The following CMTM5 variants were observed in gnomAD, a reference collection of about 807,000 sequenced individuals.
The protein encoded by CMTM5 is CKLF-like MARVEL transmembrane domain-containing protein 5.
Under a neutral mutation model 26.9 loss-of-function variants are expected in CMTM5, and 25 were observed. That is an observed-to-expected ratio of 0.93 (90% CI 0.68 to 1.30). The LOEUF (loss-of-function observed/expected upper bound fraction) is 1.30, where lower values mean the gene tolerates loss of function less well. Among genes scored for constraint, CMTM5 ranks in the 50% most tolerant of loss-of-function variants. The pLI is 0.00. For missense variants in CMTM5, 292 were observed against 289.6 expected (o/e 1.01, Z -0.06); for synonymous variants, 98 against 115.5 (o/e 0.85, Z 0.97).
In CMTM5 at chr14:23,378,420, GTTC is replaced by G. The variant is rs750154643; in HGVS notation, c.202_204del (p.Phe68del). ...CCTACATGGCCGCGGCGCTACTGGAGTTCTTCATCACACTTGCCTTCCTCTTCC... is the reference window on the plus strand; with the variant it reads ...CCTACATGGCCGCGGCGCTACTGGAGTTCATCACACTTGCCTTCCTCTTCC... On this transcript the variant is annotated inframe_deletion, in exon 2 of 6. Transcript: ENST00000339180. The surrounding 1 kb of genome is among the most constrained non-coding windows in gnomAD (Gnocchi z 4.2). The G allele has an allele frequency of 3.7e-6, 6 of 1,614,136 alleles. No individual in the cohort carries two copies. Among genetic ancestry groups the G allele is most frequent in the Non-Finnish European group, 4.2e-6 (5 of 1,180,018 alleles).
At chr14:23,379,175 C>T in intron 4 of CMTM5, 52 bp downstream of exon 4, 1 of 1,602,302 alleles carries the variant, frequency 6.2e-7, no homozygotes, top group African/African-American at 1.3e-5. Flanking sequence ...CAGGCTGGTG[C>T]TTGCACACTT....
chr14:23,379,449 T>C, intron 5 of CMTM5, 25 bp from the exon 6 acceptor site: 1 of 1,613,996 alleles, frequency 6.2e-7, no homozygotes, highest in Non-Finnish European at 8.5e-7. Flanking sequence ...CTGATGTGGG[T>C]CCCTACCTGG....
intron 4 of CMTM5, 30 bp downstream of exon 4, chr14:23,379,153 C>T (rs1024834345): frequency 1.2e-6 from 2 of 1,608,252 alleles, no homozygotes; most frequent in Non-Finnish European, 1.7e-6. Flanking sequence ...ACTCCTTAGC[C>T]CCTCAAGAGC....
chr14:23,378,010 G>A lies in CMTM5; in HGVS notation c.127-339G>A, dbSNP rs1384734275. 1.4e-5 allele frequency: 4 copies of A among 287,768 alleles called. No homozygotes were observed. Among genetic ancestry groups the A allele is most frequent in the Non-Finnish European group, 2.6e-5 (4 of 155,002 alleles). The allele number at this position is 287,768 out of a possible 1,614,324, so 17.8% of individuals were successfully genotyped here. ...AGGCAGGGGGCTCCTCTTGGTCCCT[G>A]TGGAGTCGGGTCTCTGTGGGCACAA... On this transcript the variant is annotated intron_variant, in intron 1 of 5. Coordinates refer to ENST00000339180, the MANE Select transcript of CMTM5 (RefSeq NM_001288746.2). The surrounding 1 kb of genome is among the most constrained non-coding windows in gnomAD (Gnocchi z 4.2).
Position 23,378,389 on chromosome 14 carries a change from T to A in CMTM5, c.167T>A (p.Ile56Asn), listed in dbSNP as rs764296103. 6.2e-7 allele frequency: 1 copy of A among 1,614,034 alleles called. No homozygotes were observed. Among genetic ancestry groups the A allele is most frequent in the Non-Finnish European group, 8.5e-7 (1 of 1,179,984 alleles). Residue 56 changes from isoleucine to asparagine, a missense_variant, in exon 2 of 6, where the codon ATC (isoleucine) becomes AAC (asparagine). Coordinates refer to ENST00000339180, the MANE Select transcript of CMTM5 (RefSeq NM_001288746.2). This position sits in a 1 kb window ranked among gnomAD's most constrained non-coding sequence, Gnocchi z 4.2. Reference protein sequence around the residue: ...LIIFICFTASISAYMAAALLE... With the variant: ...LIIFICFTASNSAYMAAALLE... ...ATCTTCATCTGCTTCACGGCCTCCA[T>A]CTCTGCCTACATGGCCGCGGCGCTA... is the stretch of plus-strand genomic sequence containing the variant.
At position 23,379,656 on chromosome 14, in the gene CMTM5, A is replaced by G. The variant is rs1202379693; in HGVS notation, c.*169A>G. The G allele has an allele frequency of 1.6e-6, 2 of 1,229,408 alleles. No individual in the cohort carries two copies. Among genetic ancestry groups the G allele is most frequent in the Non-Finnish European group, 2.1e-6 (2 of 956,992 alleles). 76.2% of individuals were successfully genotyped at this position (1,229,408 alleles called of 1,614,324 possible). A position where few individuals can be genotyped will look rare whatever the true frequency, so the allele number is the denominator to read the frequency against. ...ACTTATCTGTGGAGCCTGGTGCTCC[A>G]GGATGTGGCTTCTCATGAAGCTCTG... is the stretch of plus-strand genomic sequence containing the variant. On this transcript the variant is annotated 3_prime_UTR_variant, in exon 6 of 6. Coordinates refer to ENST00000339180, the MANE Select transcript of CMTM5 (RefSeq NM_001288746.2).
Position 23,379,098 on chromosome 14 carries a change from G to A in CMTM5, c.548G>A (p.Arg183Gln), listed in dbSNP as rs763315901. Residue 183 changes from arginine to glutamine, a missense_variant, in exon 4 of 6, where the codon CGG becomes CAG. Physicochemically the swap from Arg to Gln is conservative, Grantham distance 43. Transcript: ENST00000339180. ...LVVSFAAVTS[R>Q]DGAAIAAFVF... ...GTCTCCTTTGCAGCTGTGACCTCCC[G>A]GGACGGAGCTGCCATTGCTGCTTTT... The A allele has an allele frequency of 9.3e-6, 15 of 1,613,828 alleles. No individual in the cohort carries two copies. Among genetic ancestry groups the A allele is most frequent in the African/African-American group, 4.0e-5 (3 of 74,872 alleles).
At position 23,377,442 on chromosome 14, in the gene CMTM5, G is replaced by A. The variant is rs1173677770; in HGVS notation, c.126+65G>A. ...ACCCCCGGCTCCTGGCCAGCCTTAT[G>A]CCAGCCCCCAGCTCACCCTTCAGTA... On this transcript the variant is annotated intron_variant, in intron 1 of 5. Coordinates refer to ENST00000339180, the MANE Select transcript of CMTM5 (RefSeq NM_001288746.2). The surrounding 1 kb of genome is among the most constrained non-coding windows in gnomAD (Gnocchi z 4.6). The A allele has an allele frequency of 6.0e-6, 9 of 1,490,348 alleles. No homozygotes were observed. The highest frequency in any genetic ancestry group is 2.2e-5 in the Admixed American group (1 of 45,906). 92.3% of individuals were successfully genotyped at this position (1,490,348 alleles called of 1,614,324 possible).
In CMTM5 at chr14:23,378,617, C is replaced by A. The variant is rs1890694305; in HGVS notation, c.280-52C>A. On this transcript the variant is annotated intron_variant, in intron 2 of 5. Transcript: ENST00000339180. This position sits in a 1 kb window ranked among gnomAD's most constrained non-coding sequence, Gnocchi z 4.2. ...TCCACACCACAGCTGGGCTTTGTCC[C>A]ATGCTATGCCCTGCACTCAAAGGTG... 6 of 1,609,270 alleles carry A rather than the reference C, an allele frequency of 3.7e-6. No homozygotes were observed. The highest frequency in any genetic ancestry group is 5.1e-6 in the Non-Finnish European group (6 of 1,175,942).
chr14:23,377,618 T>C lies in CMTM5; in HGVS notation c.126+241T>C. ...AGGACTGCAGTTAGACAGGGTGACT[T>C]TTTGGGACATTGAGGAAGCTTGAGA... On this transcript the variant is annotated intron_variant, in intron 1 of 5. Coordinates refer to ENST00000339180, the MANE Select transcript of CMTM5 (RefSeq NM_001288746.2). This position sits in a 1 kb window ranked among gnomAD's most constrained non-coding sequence, Gnocchi z 4.6. 2.3e-6 allele frequency: 1 copy of C among 435,760 alleles called. No individual in the cohort carries two copies. The highest frequency in any genetic ancestry group is 4.0e-6 in the Non-Finnish European group (1 of 248,368). 27.0% of individuals were successfully genotyped at this position (435,760 alleles called of 1,614,324 possible). A position where few individuals can be genotyped will look rare whatever the true frequency, so the allele number is the denominator to read the frequency against.
Position 23,378,589 on chromosome 14 carries a change from A to T in CMTM5, c.280-80A>T. On this transcript the variant is annotated intron_variant, in intron 2 of 5. Coordinates refer to ENST00000339180, the MANE Select transcript of CMTM5 (RefSeq NM_001288746.2). The surrounding 1 kb of genome is among the most constrained non-coding windows in gnomAD (Gnocchi z 4.2). ...TCCTTTCCTCCCCGAGCTTCTTTCC[A>T]TTTCCACACCACAGCTGGGCTTTGT... The T allele has an allele frequency of 2.5e-6, 4 of 1,607,044 alleles. No homozygotes were observed. Among genetic ancestry groups the T allele is most frequent in the Non-Finnish European group, 3.4e-6 (4 of 1,174,708 alleles).
At position 23,379,752 on chromosome 14, in the gene CMTM5, A is replaced by T. The variant is rs1890789857; in HGVS notation, c.*265A>T. 1.2e-6 allele frequency: 1 copy of T among 810,362 alleles called. No individual in the cohort carries two copies. The highest frequency in any genetic ancestry group is 2.7e-5 in the East Asian group (1 of 36,462). 50.2% of individuals were successfully genotyped at this position (810,362 alleles called of 1,614,324 possible). A position where few individuals can be genotyped will look rare whatever the true frequency, so the allele number is the denominator to read the frequency against. On this transcript the variant is annotated 3_prime_UTR_variant, in exon 6 of 6. Transcript: ENST00000339180. ...AATCTGGACCTCTAAGTCATTCCCA[A>T]ATTAAAATATTCAAATTCTACTGGT...
At position 23,378,938 on chromosome 14, in the gene CMTM5, C is replaced by T; in HGVS notation, c.480+69C>T. 2 of 1,605,998 alleles carry T rather than the reference C, an allele frequency of 1.2e-6. No individual in the cohort carries two copies. The highest frequency in any genetic ancestry group is 1.7e-6 in the Non-Finnish European group (2 of 1,174,534). ...GTATCCTATGGAGGGGTTCAGAATC[C>T]CTCAGGGTCGGGCTGCTGGCTAGCC... On this transcript the variant is annotated intron_variant, in intron 3 of 5. Coordinates refer to ENST00000339180, the MANE Select transcript of CMTM5 (RefSeq NM_001288746.2). The surrounding 1 kb of genome is among the most constrained non-coding windows in gnomAD (Gnocchi z 4.2).
rs1890595722 is a variant in CMTM5, at chr14:23,377,204, T to G, written c.-48T>G. ...CCATCCTGCCAGATTTCTGTTTCTC[T>G]TGCTGGGCTTTTGGCAGTAGGGGGC... On this transcript the variant is annotated 5_prime_UTR_variant, in exon 1 of 6. Coordinates refer to ENST00000339180, the MANE Select transcript of CMTM5 (RefSeq NM_001288746.2). The surrounding 1 kb of genome is among the most constrained non-coding windows in gnomAD (Gnocchi z 4.6). The G allele has an allele frequency of 6.2e-7, 1 of 1,600,696 alleles. No individual in the cohort carries two copies. The highest frequency in any genetic ancestry group is 1.7e-4 in the Middle Eastern group (1 of 6,022).
In CMTM5 at chr14:23,378,303, T is replaced by A. The variant is rs1169660152; in HGVS notation, c.127-46T>A. ...GAGGGGAAGGCAAAGCCCTGGCCCC[T>A]GCCTGTGTCCCCTTCTTGGCATGTT... On this transcript the variant is annotated intron_variant, in intron 1 of 5. Transcript: ENST00000339180. This position sits in a 1 kb window ranked among gnomAD's most constrained non-coding sequence, Gnocchi z 4.2. 6.2e-7 allele frequency: 1 copy of A among 1,606,548 alleles called. No homozygotes were observed. Among genetic ancestry groups the A allele is most frequent in the East Asian group, 2.2e-5 (1 of 44,822 alleles).
rs1890595006 is a variant in CMTM5 at position 23,377,194 on chromosome 14, T to C, written c.-58T>C. On this transcript the variant is annotated 5_prime_UTR_variant, in exon 1 of 6. Transcript: ENST00000339180. This position sits in a 1 kb window ranked among gnomAD's most constrained non-coding sequence, Gnocchi z 4.6. ...GTCTGTTTCCCCATCCTGCCAGATT[T>C]CTGTTTCTCTTGCTGGGCTTTTGGC... The C allele has an allele frequency of 6.3e-6, 10 of 1,593,966 alleles. No homozygotes were observed. Among genetic ancestry groups the C allele is most frequent in the Non-Finnish European group, 7.7e-6 (9 of 1,172,256 alleles).
At position 23,377,438 on chromosome 14, in the gene CMTM5, T is replaced by C. The variant is rs1281662885; in HGVS notation, c.126+61T>C. On this transcript the variant is annotated intron_variant, in intron 1 of 5. Coordinates refer to ENST00000339180, the MANE Select transcript of CMTM5 (RefSeq NM_001288746.2). The surrounding 1 kb of genome is among the most constrained non-coding windows in gnomAD (Gnocchi z 4.6). ...CCTGACCCCCGGCTCCTGGCCAGCCTTATGCCAGCCCCCAGCTCACCCTTC... is the reference window on the plus strand; with the variant it reads ...CCTGACCCCCGGCTCCTGGCCAGCCCTATGCCAGCCCCCAGCTCACCCTTC... The C allele has an allele frequency of 2.7e-6, 4 of 1,496,366 alleles. No homozygotes were observed. In the East Asian group the frequency reaches 9.7e-5, roughly 36 times the overall value. The allele number at this position is 1,496,366 out of a possible 1,614,324, so 92.7% of individuals were successfully genotyped here.
In CMTM5 at chr14:23,378,769, G is replaced by T. The variant is rs1182209697; in HGVS notation, c.380G>T (p.Gly127Val). 9.9e-6 allele frequency: 16 copies of T among 1,612,238 alleles called. No individual in the cohort carries two copies. Among genetic ancestry groups the T allele is most frequent in the Non-Finnish European group, 1.4e-5 (16 of 1,179,808 alleles). The change falls in exon 3 of 6, where the codon GGC becomes GTC. Residue 127 changes from glycine (G) to valine (V), a missense_variant. By Grantham distance (109) the Gly-to-Val change is moderately radical. Transcript: ENST00000339180. This position sits in a 1 kb window ranked among gnomAD's most constrained non-coding sequence, Gnocchi z 4.2. Reference protein sequence around the residue: ...PQPWPGLTPPGWHTPAAVPWV... With the variant: ...PQPWPGLTPPVWHTPAAVPWV... The stretch of plus-strand genomic sequence containing the variant: ...CCCTGGCCTGGCTTGACCCCCCCGG[G>T]CTGGCATACTCCAGCCGCTGTCCCC...
rs559964220 is a variant in CMTM5, at chr14:23,378,677, C to A, written c.288C>A (p.Gly96=). 2 of 1,613,214 alleles carry A rather than the reference C, an allele frequency of 1.2e-6. No individual in the cohort carries two copies. Among genetic ancestry groups the A allele is most frequent in the African/African-American group, 1.3e-5 (1 of 75,016 alleles). Residue 96 remains glycine (G), a synonymous_variant, in exon 3 of 6, where the codon GGC becomes GGA. Transcript: ENST00000339180. The surrounding 1 kb of genome is among the most constrained non-coding windows in gnomAD (Gnocchi z 4.2). The part of the protein sequence containing the change: ...DRINWPCLLQ[G]HGQSGGPHPL... The stretch of plus-strand genomic sequence containing the variant: ...TCACACTGATTTCACAGCTGCAGGG[C>A]CACGGGCAATCAGGAGGACCACATC...
Sources: gnomAD v4.1 joint callset for allele counts on GRCh38, gnomAD v4.1.1 for gene constraint, Gnocchi (gnomAD v3.1) non-coding constraint, MANE v1.5 for transcripts, NCBI Gene and HGNC (gene_info 2026-07-23, HGNC 2026-07-21) for gene names.